FRMD5: variants seen among roughly 807,000 people sequenced by gnomAD.
FRMD5 encodes FERM domain-containing protein 5.
Under a neutral mutation model 69.0 loss-of-function variants are expected in FRMD5, and 20 were observed. The observed-to-expected ratio is 0.29, with a 90% CI of 0.20 to 0.42. The LOEUF (loss-of-function observed/expected upper bound fraction) is 0.42. Among genes scored for constraint, FRMD5 ranks in the 10% least tolerant of loss-of-function variants. The pLI is 1.00. For synonymous variants in FRMD5, 271 were observed against 260.1 expected, an observed-to-expected ratio of 1.04 and a Z score of -0.40; for missense variants, 595 against 708.6, an observed-to-expected ratio of 0.84 and a Z score of 1.82.
intron 1 of FRMD5, among the ~76,000 whole-genome samples, chr15:44,087,331 A>AT (rs1894240216): frequency 6.6e-6 from 1 of 152,174 alleles, no homozygotes; most frequent in African/African-American, 2.4e-5. Context: ...AAGTTTTAAA[A>AT]TAGAGTAAGT....
chr15:44,105,731 T>C (rs934273385), intron 1 of FRMD5, among the ~76,000 whole-genome samples: 1 of 152,206 alleles, frequency 6.6e-6, no homozygotes, highest in Non-Finnish European at 1.5e-5. Context: ...AACTTAGTCT[T>C]TAAAAAAATG....
At chr15:44,101,584 G>A (rs2076641000) in intron 1 of FRMD5, 1 of 152,532 alleles carries the variant, frequency 6.6e-6, no homozygotes, top group South Asian at 2.1e-4. Context: ...GCTTCTTTTG[G>A]ATCTTTTCTA....
intron 1 of FRMD5, among the ~76,000 whole-genome samples, chr15:44,143,191 C>A (rs1275806916): frequency 6.6e-6 from 1 of 152,112 alleles, no homozygotes; most frequent in East Asian, 1.9e-4. Context: ...GGGCACCTAT[C>A]CCACCTAATC....
chr15:44,038,991 C>T (rs1384644877), intron 1 of FRMD5, among the ~76,000 whole-genome samples: 1 of 152,170 alleles, frequency 6.6e-6, no homozygotes, highest in Non-Finnish European at 1.5e-5. Flanking sequence ...AATGCTCAAG[C>T]TTTGTAGGGG....
chr15:44,026,041 C>T (rs1179468010), intron 1 of FRMD5, among the ~76,000 whole-genome samples: 2 of 152,078 alleles, frequency 1.3e-5, no homozygotes, highest in African/African-American at 4.8e-5. Flanking sequence ...GCAGTGGCAC[C>T]ATCTCAGCTC....
intron 1 of FRMD5, among the ~76,000 whole-genome samples, chr15:44,105,513 G>A (rs971080738): frequency 6.6e-6 from 1 of 152,120 alleles, no homozygotes; most frequent in Admixed American, 6.5e-5. Flanking sequence ...ATACATTTCT[G>A]TTCTTCATTT....
Position 44,140,570 on chromosome 15 carries a change from C to A in FRMD5, c.102+54383G>T, listed in dbSNP as rs182584356. On this transcript the variant is annotated intron_variant, in intron 1 of 13. Transcript: ENST00000417257. ...AAAAATGTCATTATTTGCATGCTAT[C>A]ATTGCTCTCATAAGAAATCCAAGAA... Among the ~76,000 whole-genome samples, 9 of 152,084 alleles carry A rather than the reference C, an allele frequency of 5.9e-5. No homozygotes were observed. In the East Asian group the frequency reaches 1.7e-3, roughly 29 times the overall value.
chr15:44,032,101 A>G (rs781548603), intron 1 of FRMD5, among the ~76,000 whole-genome samples: 1 of 152,164 alleles, frequency 6.6e-6, no homozygotes, highest in Non-Finnish European at 1.5e-5. Context: ...AGCAACGGGG[A>G]AAAAGACTCC....
At chr15:44,131,118 T>C (rs1478538585) in intron 1 of FRMD5, among the ~76,000 whole-genome samples, 1 of 152,132 alleles carries the variant, frequency 6.6e-6, no homozygotes, top group African/African-American at 2.4e-5. Flanking sequence ...TCCACTTTCA[T>C]TCAAATGAGT....
chr15:44,102,674 T>G (rs2076656722), intron 1 of FRMD5, among the ~76,000 whole-genome samples: 1 of 152,176 alleles, frequency 6.6e-6, no homozygotes, highest in African/African-American at 2.4e-5. Context: ...GGGTAAGGGC[T>G]CAAAAGCTAC....
chr15:44,070,354 A>G (rs923900380), intron 1 of FRMD5, among the ~76,000 whole-genome samples: 1 of 152,120 alleles, frequency 6.6e-6, no homozygotes, highest in Non-Finnish European at 1.5e-5. Flanking sequence ...CTCTAATGCA[A>G]GCTAGGCCCT....
intron 1 of FRMD5, among the ~76,000 whole-genome samples, chr15:44,044,016 A>T (rs1164670780): frequency 6.6e-6 from 1 of 152,218 alleles, no homozygotes; most frequent in Non-Finnish European, 1.5e-5. Context: ...ATATTTTTGC[A>T]ATCTACCCAT....
At chr15:43,989,294 C>A (rs1210833707) in intron 1 of FRMD5, 8 of 785,328 alleles carry the variant, frequency 1.0e-5, no homozygotes, top group African/African-American at 1.0e-4. Context: ...CCAGATAGCA[C>A]TGTGTTGGCA....
rs185311003 is a variant in FRMD5 at position 43,935,733 on chromosome 15, G to A, written c.103-11424C>T. ...GGGAGGCAGGAACCTTGAGCCCAGC[G>A]GCTCCCTGAGGCCTCTGGCGCATCC... On this transcript the variant is annotated intron_variant, in intron 1 of 13. Coordinates refer to ENST00000417257, the MANE Select transcript of FRMD5 (RefSeq NM_032892.5). 1.5e-4 allele frequency among the ~76,000 whole-genome samples: 23 copies of A among 152,260 alleles called. No homozygotes were observed. The East Asian group carries it at 3.1e-3, about 21-fold the overall frequency.
At chr15:43,979,558 T>TG (rs2090516892) in intron 1 of FRMD5, among the ~76,000 whole-genome samples, 2 of 152,176 alleles carry the variant, frequency 1.3e-5, no homozygotes, top group Admixed American at 6.5e-5. Context: ...CCTCATGAAT[T>TG]GGATGAGGGT....
At chr15:44,163,281 T>A (rs2077654274) in intron 1 of FRMD5, among the ~76,000 whole-genome samples, 2 of 152,222 alleles carry the variant, frequency 1.3e-5, no homozygotes. Context: ...AAAATCCTTG[T>A]AACACTTCTT....
At chr15:44,148,574 A>G (rs1317185295) in intron 1 of FRMD5, among the ~76,000 whole-genome samples, 4 of 151,384 alleles carry the variant, frequency 2.6e-5, no homozygotes, top group Non-Finnish European at 5.9e-5. Flanking sequence ...CCCAACCTAC[A>G]TTTTTTTTTA....
intron 1 of FRMD5, among the ~76,000 whole-genome samples, chr15:43,943,484 C>T (rs1464470509): frequency 2.0e-5 from 3 of 152,170 alleles, no homozygotes; most frequent in Admixed American, 6.5e-5. Context: ...AGAATAGTGT[C>T]CCCCAAAATT....
At chr15:43,939,614 G>A (rs542231117) in intron 1 of FRMD5, among the ~76,000 whole-genome samples, 49 of 152,056 alleles carry the variant, frequency 3.2e-4, no homozygotes, top group African/African-American at 1.1e-3. Flanking sequence ...CTGGAGTGTC[G>A]TGGCACAATC....
Sources: gnomAD v4.1 joint callset for allele counts (sites outside exome capture counted in the v4.1 genomes callset) on GRCh38, gnomAD v4.1.1 for gene constraint, MANE v1.5 for transcripts, NCBI Gene and HGNC (gene_info 2026-07-23, HGNC 2026-07-21) for gene names.